Variants in PTPN5 observed in about 807,000 individuals in gnomAD.
PTPN5 encodes tyrosine-protein phosphatase non-receptor type 5.
Under a neutral mutation model 73.9 loss-of-function variants are expected in PTPN5, and 29 were observed. The observed-to-expected ratio is 0.39, with a 90% CI of 0.29 to 0.54. PTPN5 has a LOEUF of 0.54. PTPN5 is among the 20% of genes least tolerant of loss of function. The probability of loss-of-function intolerance (pLI) is 0.65; values close to 1 mark genes in which losing one functional copy is unlikely to be tolerated. For missense variants in PTPN5, 652 were observed against 751.4 expected (o/e 0.87, Z 1.55); for synonymous variants, 267 against 304.7 (o/e 0.88, Z 1.29).
intron 2 of PTPN5, 52 bp downstream of exon 2, chr11:18,771,886 CT>C: frequency 6.5e-7 from 1 of 1,543,470 alleles, no homozygotes; most frequent in Non-Finnish European, 8.9e-7. Flanking sequence ...ATGGAGAAGG[CT>C]TGGCCTCCTC....
Position 18,733,600 on chromosome 11 carries a change from G to C in PTPN5, c.1036C>G (p.Pro346Ala), listed in dbSNP as rs548226956. 2 of 1,614,216 alleles carry C rather than the reference G, an allele frequency of 1.2e-6. No homozygotes were observed. The highest frequency in any genetic ancestry group is 4.5e-5 in the East Asian group (2 of 44,888). Reference protein sequence around the residue: ...HSRVCLTSPDPDDPLSSYINA... With the variant: ...HSRVCLTSPDADDPLSSYINA... ...ATGTAGGAACTCAGAGGGTCGTCAG[G>C]GTCTGGTGAGGTCAGACACACTCTG... The change falls in exon 10 of 15, where the codon CCT (proline) becomes GCT (alanine). Residue 346 changes from proline (P) to alanine (A), a missense_variant. Physicochemically the swap from Pro to Ala is conservative, Grantham distance 27. Transcript: ENST00000358540. The surrounding 1 kb of genome is among the most constrained non-coding windows in gnomAD (Gnocchi z 4.3).
At chr11:18,753,748 G>A (rs1055758796) in intron 3 of PTPN5, among the ~76,000 whole-genome samples, 1 of 152,172 alleles carries the variant, frequency 6.6e-6, no homozygotes, top group African/African-American at 2.4e-5. Flanking sequence ...TGTGGTGGGG[G>A]TAGGGGAGTA....
intron 2 of PTPN5, among the ~76,000 whole-genome samples, chr11:18,768,189 C>T (rs1850722246): frequency 6.6e-6 from 1 of 152,228 alleles, no homozygotes; most frequent in Admixed American, 6.5e-5. Flanking sequence ...CAAACACAGC[C>T]ATCATCTGAG....
intron 1 of PTPN5, among the ~76,000 whole-genome samples, chr11:18,780,040 T>G (rs140077976): frequency 6.6e-6 from 1 of 152,302 alleles, no homozygotes; most frequent in African/African-American, 2.4e-5. Context: ...GAAGCTTCAC[T>G]TCCTGTCTCC....
rs752087670 is a variant in PTPN5, at chr11:18,740,578, GGGCGACC to G, written c.915+18_915+24del. 1.3e-6 allele frequency: 2 copies of G among 1,515,512 alleles called. No homozygotes were observed. The highest frequency in any genetic ancestry group is 1.8e-6 in the Non-Finnish European group (2 of 1,129,006). The allele number at this position is 1,515,512 out of a possible 1,614,324, so 93.9% of individuals were successfully genotyped here. A position where few individuals can be genotyped will look rare whatever the true frequency, so the allele number is the denominator to read the frequency against. On this transcript the variant is annotated intron_variant, in intron 8 of 14. Transcript: ENST00000358540. ...GATTGACATGGGTCTGCACACAGTGGGGCGACCGGCTCAAGGGAACTCACAAAGAATT... is the reference window on the plus strand; with the variant it reads ...GATTGACATGGGTCTGCACACAGTGGGGCTCAAGGGAACTCACAAAGAATT...
Position 18,733,742 on chromosome 11 carries a change from G to A in PTPN5, c.1001-107C>T. 1.0e-6 allele frequency: 1 copy of A among 974,536 alleles called. No homozygotes were observed. The highest frequency in any genetic ancestry group is 1.6e-6 in the Non-Finnish European group (1 of 613,830). The allele number at this position is 974,536 out of a possible 1,614,324, so 60.4% of individuals were successfully genotyped here. On this transcript the variant is annotated intron_variant, in intron 9 of 14. Coordinates refer to ENST00000358540, the MANE Select transcript of PTPN5 (RefSeq NM_006906.2). This position sits in a 1 kb window ranked among gnomAD's most constrained non-coding sequence, Gnocchi z 4.3. ...CCACACTTCTTCTGCGACATTAGCA[G>A]TTCTTCCTTCCCTTGCCCAGCAGCA...
chr11:18,739,494 G>C (rs1177706598), intron 8 of PTPN5, among the ~76,000 whole-genome samples: 1 of 152,198 alleles, frequency 6.6e-6, no homozygotes, highest in Non-Finnish European at 1.5e-5. Context: ...GCATAAGGCT[G>C]GAAAAGGAGG....
chr11:18,769,498 G>A (rs1016194201), intron 2 of PTPN5, among the ~76,000 whole-genome samples: 6 of 152,116 alleles, frequency 3.9e-5, no homozygotes, highest in Admixed American at 6.5e-5. Flanking sequence ...CTACCTCCCC[G>A]GTTCAAGTGA....
chr11:18,768,930 C>G (rs144103423), intron 2 of PTPN5, among the ~76,000 whole-genome samples: 9 of 152,326 alleles, frequency 5.9e-5, no homozygotes, highest in Non-Finnish European at 7.3e-5. Context: ...CTCCTGCTCT[C>G]TCCTTCCCCA....
At chr11:18,771,260 A>G (rs73428479) in intron 2 of PTPN5, among the ~76,000 whole-genome samples, 18,380 of 152,080 alleles carry the variant, frequency 0.12, 1,360 homozygotes, top group African/African-American at 0.21. Context: ...TGACATCTCT[A>G]TTCGCTGAAT....
chr11:18,765,704 G>C (rs755925865), intron 3 of PTPN5, 103 bp downstream of exon 3: 16 of 787,446 alleles, frequency 2.0e-5, no homozygotes, highest in Non-Finnish European at 3.3e-5. Flanking sequence ...ATATTCTTGC[G>C]CAAGTTCACA....
chr11:18,748,908 C>T (rs548355444), intron 3 of PTPN5, among the ~76,000 whole-genome samples: 7 of 152,282 alleles, frequency 4.6e-5, no homozygotes, highest in South Asian at 4.2e-4. Context: ...TCCACTTGCA[C>T]GGACCACTGT....
chr11:18,742,000 A>C (rs1849385026), intron 7 of PTPN5, among the ~76,000 whole-genome samples: 1 of 152,194 alleles, frequency 6.6e-6, no homozygotes, highest in Non-Finnish European at 1.5e-5. Context: ...AAAGAAAACC[A>C]CCCAAACTTA....
chr11:18,781,155 C>T (rs942046481), intron 1 of PTPN5, among the ~76,000 whole-genome samples: 18 of 152,030 alleles, frequency 1.2e-4, no homozygotes, highest in African/African-American at 3.4e-4. Context: ...CCCCCGGCCC[C>T]GCCCCGGCCC....
chr11:18,761,415 C>T lies in PTPN5; in HGVS notation c.97+4392G>A, dbSNP rs142495502. Among the ~76,000 whole-genome samples the T allele has an allele frequency of 5.8e-3, 890 of 152,200 alleles. 3 individuals carry two copies. Among genetic ancestry groups the T allele is most frequent in the Non-Finnish European group, 9.5e-3 (646 of 68,022 alleles). On this transcript the variant is annotated intron_variant, in intron 3 of 14. Coordinates refer to ENST00000358540, the MANE Select transcript of PTPN5 (RefSeq NM_006906.2). ...ACCTGGTGTCTTGCAAATGTGAACACCTACACATAGAAGAAGAGAGATTGT... is the reference window on the plus strand; with the variant it reads ...ACCTGGTGTCTTGCAAATGTGAACATCTACACATAGAAGAAGAGAGATTGT...
chr11:18,791,940 AG>A (rs1216383794), upstream of PTPN5: 1 of 152,134 alleles, frequency 6.6e-6, no homozygotes. Flanking sequence ...CGGGGCACGA[AG>A]GGGGCCGGAT....
chr11:18,758,926 T>C (rs1850267810), intron 3 of PTPN5, among the ~76,000 whole-genome samples: 1 of 152,170 alleles, frequency 6.6e-6, no homozygotes, highest in African/African-American at 2.4e-5. Flanking sequence ...CCCTAGAATA[T>C]GAGAACTGTT....
In PTPN5 at chr11:18,729,638, G is replaced by A. The variant is rs1248662541; in HGVS notation, c.1490+20C>T. The A allele has an allele frequency of 3.2e-6, 5 of 1,576,352 alleles. No homozygotes were observed. The highest frequency in any genetic ancestry group is 4.3e-6 in the Non-Finnish European group (5 of 1,163,910). ...GGGTGGGGGGCTGCCCCGCTCCAGTGGCTGGCTGGGAGGACCCACCTGCAG... is the reference window on the plus strand; with the variant it reads ...GGGTGGGGGGCTGCCCCGCTCCAGTAGCTGGCTGGGAGGACCCACCTGCAG... On this transcript the variant is annotated intron_variant, in intron 13 of 14. Transcript: ENST00000358540. The surrounding 1 kb of genome is among the most constrained non-coding windows in gnomAD (Gnocchi z 5.2).
intron 2 of PTPN5, 134 bp downstream of exon 2, chr11:18,771,805 T>C (rs1015527674): frequency 8.5e-5 from 63 of 745,104 alleles, no homozygotes; most frequent in Admixed American, 2.2e-4. Flanking sequence ...GAGGGCATGC[T>C]GGTTTCATGG....
Sources: allele counts gnomAD v4.1 joint callset (sites outside exome capture counted in the v4.1 genomes callset), GRCh38; gene constraint gnomAD v4.1.1; non-coding constraint Gnocchi (gnomAD v3.1); transcripts MANE v1.5; gene names NCBI Gene and HGNC (gene_info 2026-07-23, HGNC 2026-07-21).